The following GRID2 variants were observed in gnomAD, a reference collection of about 807,000 sequenced individuals.
The protein encoded by GRID2 is glutamate ionotropic receptor delta type subunit 2.
A neutral mutation model predicts 114.8 loss-of-function variants in GRID2; 33 were observed. That is an observed-to-expected ratio of 0.29 (90% CI 0.22 to 0.38). GRID2 has a LOEUF of 0.38. GRID2 is among the 10% of genes least tolerant of loss of function. The pLI is 1.00. For synonymous variants in GRID2, 505 were observed against 449.9 expected, an observed-to-expected ratio of 1.12 and a Z score of -1.55; for missense variants, 1,184 against 1,257.7, an observed-to-expected ratio of 0.94 and a Z score of 0.89.
rs1441365183 is a variant in GRID2 at position 92,934,877 on chromosome 4, C to A, written c.245-150118C>A. On this transcript the variant is annotated intron_variant, in intron 2 of 15. Coordinates refer to ENST00000282020, the MANE Select transcript of GRID2 (RefSeq NM_001510.4). ...TGGATCCCTTCCTTACACCTTATAC[C>A]AAAATTAATTCAAGATGGATTAAAG... 2.6e-4 allele frequency among the ~76,000 whole-genome samples: 38 copies of A among 146,522 alleles called. 2 individuals carry two copies. Among genetic ancestry groups the A allele is most frequent in the East Asian group, 1.3e-3 (6 of 4,590 alleles).
At chr4:92,470,372 C>A (rs979276088) in intron 1 of GRID2, among the ~76,000 whole-genome samples, 1 of 151,306 alleles carries the variant, frequency 6.6e-6, no homozygotes, top group African/African-American at 2.4e-5. Flanking sequence ...TTAATTTTAA[C>A]CCCCTGTGAA....
At chr4:92,368,033 A>G (rs1350291565) in intron 1 of GRID2, among the ~76,000 whole-genome samples, 4 of 152,168 alleles carry the variant, frequency 2.6e-5, no homozygotes, top group African/African-American at 4.8e-5. Flanking sequence ...GCCTGGAATC[A>G]GCAATGAGAA....
At chr4:92,355,143 CA>C (rs1728257678) in intron 1 of GRID2, among the ~76,000 whole-genome samples, 1 of 151,822 alleles carries the variant, frequency 6.6e-6, no homozygotes, top group Non-Finnish European at 1.5e-5. Context: ...TCATGCTTAT[CA>C]TCTGTATTTT....
At chr4:93,608,647 T>A (rs1301176613) in intron 13 of GRID2, among the ~76,000 whole-genome samples, 1 of 139,304 alleles carries the variant, frequency 7.2e-6, no homozygotes, top group African/African-American at 2.7e-5. Context: ...GAACTCATCA[T>A]TTTTTATGGC....
chr4:93,311,315 G>T (rs1755986334), intron 8 of GRID2, among the ~76,000 whole-genome samples: 1 of 152,122 alleles, frequency 6.6e-6, no homozygotes, highest in African/African-American at 2.4e-5. Flanking sequence ...TAGGTTGCAG[G>T]TCTGCTTGTC....
At chr4:93,261,736 A>G (rs1218075458) in intron 8 of GRID2, among the ~76,000 whole-genome samples, 1 of 151,892 alleles carries the variant, frequency 6.6e-6, no homozygotes, top group Non-Finnish European at 1.5e-5. Flanking sequence ...GAGAAACTCT[A>G]AAGATGTAGC....
intron 2 of GRID2, among the ~76,000 whole-genome samples, chr4:93,044,535 G>A (rs543084766): frequency 2.2e-4 from 34 of 152,232 alleles, no homozygotes; most frequent in Admixed American, 9.8e-4. Flanking sequence ...CTGCAGTAAA[G>A]TTAAAGTGAT....
intron 2 of GRID2, among the ~76,000 whole-genome samples, chr4:92,750,961 TTGTG>T (rs1384677657): frequency 2.0e-5 from 3 of 152,202 alleles, no homozygotes; most frequent in Non-Finnish European, 2.9e-5. Flanking sequence ...TTTCTAATGA[TTGTG>T]TGTTCACAAA....
intron 2 of GRID2, among the ~76,000 whole-genome samples, chr4:93,035,471 C>T (rs916438468): frequency 1.3e-5 from 2 of 152,096 alleles, no homozygotes; most frequent in Admixed American, 6.6e-5. Context: ...GTTACCCCCA[C>T]ATTTAGTAGG....
At chr4:93,071,347 G>A (rs1007662567) in intron 2 of GRID2, among the ~76,000 whole-genome samples, 1 of 152,044 alleles carries the variant, frequency 6.6e-6, no homozygotes, top group Non-Finnish European at 1.5e-5. Flanking sequence ...TTCATTAGGT[G>A]CCTAAAACAG....
chr4:93,578,594 T>G lies in GRID2; in HGVS notation c.2194-47675T>G, dbSNP rs1049287484. Among the ~76,000 whole-genome samples the G allele has an allele frequency of 3.4e-3, 458 of 134,942 alleles. 2 individuals are homozygous for G. The highest frequency in any genetic ancestry group is 0.013 in the African/African-American group (435 of 33,108). 88.5% of individuals were successfully genotyped at this position (134,942 alleles called of 152,430 possible). A position where few individuals can be genotyped will look rare whatever the true frequency, so the allele number is the denominator to read the frequency against. On this transcript the variant is annotated intron_variant, in intron 13 of 15. Coordinates refer to ENST00000282020, the MANE Select transcript of GRID2 (RefSeq NM_001510.4). ...CCTTGTCTTGTTTTTTGTATTTTTT[T>G]TTTTTTTTTTTTTTTTTGAGTTGGA... is the stretch of plus-strand genomic sequence containing the variant.
At chr4:93,741,636 TAA>T (rs1387766572) in intron 14 of GRID2, among the ~76,000 whole-genome samples, 1 of 152,138 alleles carries the variant, frequency 6.6e-6, no homozygotes, top group Admixed American at 6.5e-5. Flanking sequence ...GATGAAATGT[TAA>T]AAGTGTTGGC....
At chr4:93,549,070 C>G (rs1285859303) in intron 13 of GRID2, among the ~76,000 whole-genome samples, 1 of 152,002 alleles carries the variant, frequency 6.6e-6, no homozygotes, top group African/African-American at 2.4e-5. Context: ...AATCAAAGAT[C>G]AACTAAAAAT....
At chr4:93,164,330 A>T (rs1738048850) in intron 4 of GRID2, among the ~76,000 whole-genome samples, 1 of 152,084 alleles carries the variant, frequency 6.6e-6, no homozygotes, top group Admixed American at 6.6e-5. Flanking sequence ...AGCAGATGTA[A>T]CGGGCTAAAG....
intron 2 of GRID2, among the ~76,000 whole-genome samples, chr4:92,833,125 C>T (rs936498695): frequency 3.9e-5 from 6 of 152,112 alleles, no homozygotes; most frequent in African/African-American, 1.4e-4. Flanking sequence ...TAACAGGAGC[C>T]ACAGCAATGC....
intron 10 of GRID2, among the ~76,000 whole-genome samples, chr4:93,453,239 G>T (rs1722866904): frequency 6.6e-6 from 1 of 150,838 alleles, no homozygotes; most frequent in South Asian, 2.1e-4. Context: ...CCATTACAGT[G>T]TTCTGCTGTA....
chr4:92,852,769 G>A (rs1005992295), intron 2 of GRID2, among the ~76,000 whole-genome samples: 1 of 151,738 alleles, frequency 6.6e-6, no homozygotes, highest in Non-Finnish European at 1.5e-5. Context: ...ATATTATGAA[G>A]AGCCACACTA....
At chr4:92,998,599 T>C (rs887567977) in intron 2 of GRID2, among the ~76,000 whole-genome samples, 4 of 151,938 alleles carry the variant, frequency 2.6e-5, no homozygotes, top group Non-Finnish European at 5.9e-5. Context: ...ATATATTCAG[T>C]ATTATTGTTC....
intron 14 of GRID2, among the ~76,000 whole-genome samples, chr4:93,756,517 G>A (rs568082637): frequency 6.6e-6 from 1 of 152,156 alleles, no homozygotes; most frequent in Non-Finnish European, 1.5e-5. Context: ...TTGTAGGGAA[G>A]CTGCCATCTT....
Sources: allele counts gnomAD v4.1 joint callset (sites outside exome capture counted in the v4.1 genomes callset), GRCh38; gene constraint gnomAD v4.1.1; transcripts MANE v1.5; gene names NCBI Gene and HGNC (gene_info 2026-07-23, HGNC 2026-07-21).